MAD1L1: variants seen among roughly 807,000 people sequenced by gnomAD.
The protein encoded by MAD1L1 is mitotic arrest deficient 1 like 1.
Under a neutral mutation model 96.9 loss-of-function variants are expected in MAD1L1, and 95 were observed. The ratio of observed to expected loss-of-function variants is 0.98; its 90% confidence interval spans 0.83 to 1.16. The LOEUF (loss-of-function observed/expected upper bound fraction) is 1.16, where lower values mean the gene tolerates loss of function less well. MAD1L1 is among the 50% of genes most tolerant of loss of function. The pLI, the probability that MAD1L1 is intolerant of heterozygous loss-of-function variation, is 0.00. For missense variants in MAD1L1, 1,007 were observed against 954.4 expected, an observed-to-expected ratio of 1.06 and a Z score of -0.73; for synonymous variants, 473 against 396.6, an observed-to-expected ratio of 1.19 and a Z score of -2.29.
intron 10 of MAD1L1, among the ~76,000 whole-genome samples, chr7:2,208,264 T>C (rs1036764026): frequency 1.3e-5 from 2 of 152,208 alleles, no homozygotes; most frequent in African/African-American, 4.8e-5. Flanking sequence ...ATTGTCCTTG[T>C]ATCCCGTGAC....
At chr7:2,110,899 CGAG>C (rs963522587) in intron 11 of MAD1L1, among the ~76,000 whole-genome samples, 20 of 152,134 alleles carry the variant, frequency 1.3e-4, no homozygotes, top group African/African-American at 4.6e-4. Context: ...CCAGCAGAGC[CGAG>C]GAGATGACGG....
intron 12 of MAD1L1, among the ~76,000 whole-genome samples, chr7:2,028,153 C>T (rs141106966): frequency 2.3e-4 from 35 of 152,100 alleles, no homozygotes; most frequent in African/African-American, 2.7e-4. Context: ...AGGCCGGGCG[C>T]GGTGACTCAC....
In MAD1L1 at chr7:2,103,701, G is replaced by A. The variant is rs1358686919; in HGVS notation, c.1074-34363C>T. Among the ~76,000 whole-genome samples, 1 of 152,126 alleles carries A rather than the reference G, an allele frequency of 6.6e-6. No individual in the cohort carries two copies. Among genetic ancestry groups the A allele is most frequent in the Non-Finnish European group, 1.5e-5 (1 of 68,014 alleles). On this transcript the variant is annotated intron_variant, in intron 11 of 18. Coordinates refer to ENST00000265854, the MANE Select transcript of MAD1L1 (RefSeq NM_001013836.2). This position sits in a 1 kb window ranked among gnomAD's most constrained non-coding sequence, Gnocchi z 4.3. ...GGCCACGAGGAGGAGCCAGGGAGGC[G>A]GCTACTCAGAGGGCAGGTGCTGTCC... is the stretch of plus-strand genomic sequence containing the variant.
At chr7:1,892,980 G>A (rs1786642273) in intron 18 of MAD1L1, among the ~76,000 whole-genome samples, 1 of 152,238 alleles carries the variant, frequency 6.6e-6, no homozygotes, top group Non-Finnish European at 1.5e-5. Flanking sequence ...GAAAAGGGAG[G>A]TGGGGAAAAT....
intron 10 of MAD1L1, chr7:2,210,084 C>T (rs1038589134): frequency 2.0e-5 from 3 of 152,214 alleles, no homozygotes; most frequent in African/African-American, 7.2e-5. Context: ...CCCAGAAATC[C>T]ACTTTGGTTT....
intron 12 of MAD1L1, among the ~76,000 whole-genome samples, chr7:2,044,667 G>T (rs936430080): frequency 6.6e-6 from 1 of 152,172 alleles, no homozygotes; most frequent in Non-Finnish European, 1.5e-5. Flanking sequence ...TCCAGCCTCG[G>T]TTTCTCTTCC....
chr7:2,047,048 C>G (rs1353542222), intron 12 of MAD1L1, among the ~76,000 whole-genome samples: 3 of 152,188 alleles, frequency 2.0e-5, no homozygotes, highest in Non-Finnish European at 4.4e-5. Flanking sequence ...GGGTTGAACT[C>G]CTGGGTTGAA....
Position 2,002,121 on chromosome 7 carries a change from C to A in MAD1L1, c.1360G>T (p.Ala454Ser). The A allele has an allele frequency of 1.2e-6, 2 of 1,612,998 alleles. No individual in the cohort carries two copies. Among genetic ancestry groups the A allele is most frequent in the Non-Finnish European group, 1.7e-6 (2 of 1,179,990 alleles). The change falls in exon 14 of 19, where the codon GCT (alanine) becomes TCT (serine). Residue 454 changes from alanine to serine, a missense_variant and splice_region_variant. By Grantham distance (99) the Ala-to-Ser change is moderately conservative. Transcript: ENST00000265854. ...TCCTCCAGGGCCTGCGACAGCTGAG[C>A]CTGCAAGACAAGACAGGATTCGGCC... ...KVHSHSAEME[A>S]QLSQALEELG... is the part of the protein sequence containing the mutation.
At chr7:1,900,382 C>A (rs1787172183) in intron 17 of MAD1L1, among the ~76,000 whole-genome samples, 1 of 152,192 alleles carries the variant, frequency 6.6e-6, no homozygotes, top group African/African-American at 2.4e-5. Flanking sequence ...CGCCCATCCA[C>A]CTGTGGGATG....
At chr7:1,831,354 A>C (rs1024748748) in intron 18 of MAD1L1, among the ~76,000 whole-genome samples, 7 of 152,132 alleles carry the variant, frequency 4.6e-5, no homozygotes, top group African/African-American at 9.7e-5. Flanking sequence ...TTAACTGATA[A>C]ATGTGTGTGT....
intron 14 of MAD1L1, among the ~76,000 whole-genome samples, chr7:1,983,133 C>T (rs1367648897): frequency 7.6e-6 from 1 of 131,568 alleles, no homozygotes; most frequent in African/African-American, 2.9e-5. Flanking sequence ...CACCCACAGA[C>T]GCGCGCGCGC....
At chr7:2,060,714 G>T (rs1704202481) in intron 12 of MAD1L1, among the ~76,000 whole-genome samples, 1 of 152,240 alleles carries the variant, frequency 6.6e-6, no homozygotes, top group Non-Finnish European at 1.5e-5. Context: ...CCACGCGTGG[G>T]GAGAAGGCGG....
chr7:2,137,634 G>A (rs530079800), intron 11 of MAD1L1, among the ~76,000 whole-genome samples: 7 of 152,282 alleles, frequency 4.6e-5, no homozygotes, highest in Admixed American at 3.9e-4. Flanking sequence ...GTGCAGACAG[G>A]CTTGTGCCAT....
chr7:1,884,086 G>A (rs1366492048), intron 18 of MAD1L1, among the ~76,000 whole-genome samples: 2 of 152,156 alleles, frequency 1.3e-5, no homozygotes, highest in Admixed American at 6.5e-5. Flanking sequence ...AGAGCATGTG[G>A]CCAACAGGAG....
At chr7:1,913,719 G>A (rs1007390472) in intron 17 of MAD1L1, among the ~76,000 whole-genome samples, 2 of 152,146 alleles carry the variant, frequency 1.3e-5, no homozygotes, top group Non-Finnish European at 2.9e-5. Flanking sequence ...ACAAAGCTGA[G>A]GCTGAGAGGG....
At chr7:1,940,392 A>G (rs1425988934) in intron 16 of MAD1L1, 2 of 152,256 alleles carry the variant, frequency 1.3e-5, no homozygotes, top group African/African-American at 4.8e-5. Context: ...AAGGATTGCT[A>G]CTTCATCCAG....
chr7:1,874,809 A>AGAGAGGAGGGGCAGGTATAGGGAG (rs1785294855), intron 18 of MAD1L1, among the ~76,000 whole-genome samples: 1 of 151,980 alleles, frequency 6.6e-6, no homozygotes, highest in Non-Finnish European at 1.5e-5. Flanking sequence ...GTAGGATGGT[A>AGAGAGGAGGGGCAGGTATAGGGAG]GAGAGGAGGG....
intron 10 of MAD1L1, among the ~76,000 whole-genome samples, chr7:2,190,862 A>C (rs1240315497): frequency 1.3e-5 from 2 of 152,204 alleles, no homozygotes; most frequent in East Asian, 1.9e-4. Flanking sequence ...GGCCAGCGGA[A>C]TTCTCACACA....
chr7:1,990,174 G>A (rs909773463), intron 14 of MAD1L1, among the ~76,000 whole-genome samples: 5 of 152,244 alleles, frequency 3.3e-5, no homozygotes, highest in Non-Finnish European at 7.3e-5. Flanking sequence ...ACCTGTGCCC[G>A]GGAGGTGGTG....
Sources: allele counts gnomAD v4.1 joint callset (sites outside exome capture counted in the v4.1 genomes callset), GRCh38; gene constraint gnomAD v4.1.1; non-coding constraint Gnocchi (gnomAD v3.1); transcripts MANE v1.5; gene names NCBI Gene and HGNC (gene_info 2026-07-23, HGNC 2026-07-21).